Variants in RIMS2 observed in about 807,000 individuals in gnomAD.
RIMS2 encodes the protein regulating synaptic membrane exocytosis 2, also known as regulating synaptic membrane exocytosis protein 2.
Under a neutral mutation model 174.4 loss-of-function variants are expected in RIMS2, and 59 were observed. The observed-to-expected ratio is 0.34, with a 90% confidence interval of 0.27 to 0.42. The LOEUF is 0.42. Among genes scored for constraint, RIMS2 ranks in the 10% least tolerant of loss-of-function variants. The pLI, the probability that RIMS2 is intolerant of heterozygous loss-of-function variation, is 1.00. For synonymous variants in RIMS2, 606 were observed against 572.5 expected (o/e 1.06, Z -0.84); for missense variants, 1,620 against 1,666.3 (o/e 0.97, Z 0.48).
intron 19 of RIMS2, among the ~76,000 whole-genome samples, chr8:104,102,436 T>C (rs1337022278): frequency 2.0e-5 from 3 of 152,186 alleles, no homozygotes; most frequent in Non-Finnish European, 4.4e-5. Context: ...TGTTTATTTC[T>C]CCATAACCCC....
intron 19 of RIMS2, among the ~76,000 whole-genome samples, chr8:104,017,247 G>A (rs527938555): frequency 4.6e-5 from 7 of 151,806 alleles, no homozygotes; most frequent in Non-Finnish European, 7.4e-5. Flanking sequence ...ATCAAATTAT[G>A]TTTGGATTAT....
chr8:103,514,918 C>A (rs7826771), intron 1 of RIMS2, among the ~76,000 whole-genome samples: 27,462 of 150,104 alleles, frequency 0.18, 2,702 homozygotes, highest in African/African-American at 0.26. Flanking sequence ...ACAACAACAA[C>A]AAAAAAACAA....
intron 19 of RIMS2, among the ~76,000 whole-genome samples, chr8:104,061,743 C>A (rs1306243597): frequency 2.6e-5 from 4 of 151,578 alleles, no homozygotes; most frequent in Admixed American, 6.6e-5. Context: ...CACATATGTA[C>A]AACATCCTCA....
At chr8:103,741,597 C>T (rs879174594) in intron 2 of RIMS2, among the ~76,000 whole-genome samples, 1 of 152,022 alleles carries the variant, frequency 6.6e-6, no homozygotes. Flanking sequence ...TGTACCAAGA[C>T]TTATCAAATG....
rs774886798 is a variant in RIMS2, at chr8:103,915,607, C to T, written c.1912+13C>T. The T allele has an allele frequency of 1.5e-6, 2 of 1,372,838 alleles. No individual in the cohort carries two copies. Among genetic ancestry groups the T allele is most frequent in the Non-Finnish European group, 2.1e-6 (2 of 972,262 alleles). The allele number at this position is 1,372,838 out of a possible 1,614,324, so 85.0% of individuals were successfully genotyped here. On this transcript the variant is annotated intron_variant, in intron 7 of 23. Transcript: ENST00000504942. ...CATCTTAGACCAGGTAGGGTTTTACCTTTGATTATTTACATTTAAACCATT... is the reference window on the plus strand; with the variant it reads ...CATCTTAGACCAGGTAGGGTTTTACTTTTGATTATTTACATTTAAACCATT...
At chr8:103,507,856 G>C (rs914438482) in intron 1 of RIMS2, among the ~76,000 whole-genome samples, 2 of 152,086 alleles carry the variant, frequency 1.3e-5, no homozygotes, top group Non-Finnish European at 2.9e-5. Flanking sequence ...AGAGTACACA[G>C]AAGGCTTTGG....
At chr8:103,870,008 A>G (rs1417896944) in intron 3 of RIMS2, among the ~76,000 whole-genome samples, 2 of 152,092 alleles carry the variant, frequency 1.3e-5, no homozygotes, top group Non-Finnish European at 2.9e-5. Context: ...CCTTTGTTCT[A>G]TAATAGTTAC....
chr8:103,694,074 T>A (rs914811443), intron 1 of RIMS2, among the ~76,000 whole-genome samples: 1 of 152,194 alleles, frequency 6.6e-6, no homozygotes, highest in South Asian at 2.1e-4. Context: ...GTGGTTTGGC[T>A]TGGCACTGGG....
intron 17 of RIMS2, among the ~76,000 whole-genome samples, chr8:103,994,012 C>G (rs1267691140): frequency 7.0e-6 from 1 of 143,254 alleles, no homozygotes; most frequent in Non-Finnish European, 1.5e-5. Context: ...GATCGCACCA[C>G]TGCAGTCCAG....
intron 19 of RIMS2, among the ~76,000 whole-genome samples, chr8:104,235,802 A>G (rs986070227): frequency 2.6e-5 from 4 of 152,086 alleles, no homozygotes; most frequent in African/African-American, 9.7e-5. Context: ...AAAAAAATAT[A>G]TGTAAGCATA....
chr8:104,028,997 A>T (rs907304021), intron 19 of RIMS2, among the ~76,000 whole-genome samples: 1 of 152,186 alleles, frequency 6.6e-6, no homozygotes, highest in Non-Finnish European at 1.5e-5. Flanking sequence ...CAAGAGGTGG[A>T]TTATTCATGA....
chr8:104,094,386 T>C, intron 19 of RIMS2: 1 of 568,766 alleles, frequency 1.8e-6, no homozygotes, highest in Non-Finnish European at 3.1e-6. Context: ...TAGTTTTTAT[T>C]ACCTTTCTGT....
intron 15 of RIMS2, among the ~76,000 whole-genome samples, chr8:103,972,861 G>A (rs1032449556): frequency 1.3e-5 from 2 of 151,972 alleles, no homozygotes; most frequent in South Asian, 2.1e-4. Context: ...TTTACTAAAT[G>A]TATAGTATAT....
chr8:104,098,555 C>T (rs1283153269), intron 19 of RIMS2, among the ~76,000 whole-genome samples: 1 of 152,142 alleles, frequency 6.6e-6, no homozygotes, highest in East Asian at 1.9e-4. Flanking sequence ...TTATGGTTCT[C>T]AGGCATATCT....
chr8:103,852,124 G>T (rs1343807419), intron 3 of RIMS2, among the ~76,000 whole-genome samples: 1 of 151,974 alleles, frequency 6.6e-6, no homozygotes, highest in African/African-American at 2.4e-5. Context: ...CAGTAGGATT[G>T]TGATTGCAAC....
At chr8:103,998,274 CTGTT>C (rs766169036) in intron 17 of RIMS2, 4 of 1,547,170 alleles carry the variant, frequency 2.6e-6, no homozygotes, top group Non-Finnish European at 2.7e-6. Flanking sequence ...ACAATTGAGT[CTGTT>C]TGTGGAATTG....
At chr8:103,605,360 A>G (rs981196288) in intron 1 of RIMS2, among the ~76,000 whole-genome samples, 6 of 138,644 alleles carry the variant, frequency 4.3e-5, no homozygotes, top group African/African-American at 1.4e-4. Context: ...CCACTTGATC[A>G]TGGTGGATAA....
chr8:103,590,893 T>C (rs2094219767), intron 1 of RIMS2, among the ~76,000 whole-genome samples: 1 of 151,186 alleles, frequency 6.6e-6, no homozygotes, highest in Admixed American at 6.6e-5. Context: ...TCATTACTTT[T>C]GGATAAATAC....
intron 19 of RIMS2, among the ~76,000 whole-genome samples, chr8:104,081,365 G>A (rs1297754198): frequency 1.3e-5 from 2 of 151,852 alleles, no homozygotes; most frequent in African/African-American, 4.8e-5. Context: ...TTTTATTCAA[G>A]TTAGTTAATA....
Sources: gnomAD v4.1 joint callset for allele counts (sites outside exome capture counted in the v4.1 genomes callset) on GRCh38, gnomAD v4.1.1 for gene constraint, MANE v1.5 for transcripts, NCBI Gene and HGNC (gene_info 2026-07-23, HGNC 2026-07-21) for gene names.